The following NKAIN3 variants were observed in gnomAD, a reference collection of about 807,000 sequenced individuals.
NKAIN3 encodes sodium/potassium transporting ATPase interacting 3.
A neutral mutation model predicts 30.2 loss-of-function variants in NKAIN3; 25 were observed. The observed-to-expected ratio is 0.83, with a 90% CI of 0.60 to 1.16. NKAIN3 has a LOEUF of 1.16. Ranked by LOEUF, NKAIN3 falls within the 50% of genes most tolerant of loss-of-function variation. The pLI is 0.00. For synonymous variants in NKAIN3, 91 were observed against 89.6 expected, an observed-to-expected ratio of 1.02 and a Z score of -0.09; for missense variants, 225 against 254.1, an observed-to-expected ratio of 0.89 and a Z score of 0.78.
At chr8:62,368,671 A>G (rs1016907800) in intron 1 of NKAIN3, among the ~76,000 whole-genome samples, 1 of 152,172 alleles carries the variant, frequency 6.6e-6, no homozygotes, top group African/African-American at 2.4e-5. Context: ...ACAACCTTAC[A>G]CACACACATA....
intron 5 of NKAIN3, among the ~76,000 whole-genome samples, chr8:62,922,163 G>C (rs1427985270): frequency 6.6e-6 from 1 of 152,130 alleles, no homozygotes; most frequent in Non-Finnish European, 1.5e-5. Flanking sequence ...ATAAACATTT[G>C]ACCCTTGCTA....
In NKAIN3 at chr8:62,953,924, T is replaced by C; in HGVS notation, c.555T>C (p.Asp185=). ...CAGTTGATTTCATAGGTGGACTTGA[T>C]ACACACTCCTACTACCAGGATCATG... is the stretch of plus-strand genomic sequence containing the variant. ...EDTFDFIGGL[D]THSYYQDHVE... is the part of the protein sequence containing the mutation. The change falls in exon 6 of 7, where the codon GAT becomes GAC. Residue 185 remains aspartate, a synonymous_variant. Coordinates refer to ENST00000623646, the MANE Select transcript of NKAIN3 (RefSeq NM_001304533.3). 2.0e-6 allele frequency: 2 copies of C among 979,920 alleles called. No homozygotes were observed. The highest frequency in any genetic ancestry group is 2.4e-6 in the Non-Finnish European group (2 of 824,528). 60.7% of individuals were successfully genotyped at this position (979,920 alleles called of 1,614,324 possible).
At chr8:62,301,436 A>G (rs1409115922) in intron 1 of NKAIN3, among the ~76,000 whole-genome samples, 1 of 152,034 alleles carries the variant, frequency 6.6e-6, no homozygotes, top group Non-Finnish European at 1.5e-5. Context: ...AGAAAATAGA[A>G]GTAAGATACA....
At chr8:62,729,603 ATATAT>A (rs1815404251) in intron 3 of NKAIN3, among the ~76,000 whole-genome samples, 3 of 152,026 alleles carry the variant, frequency 2.0e-5, no homozygotes, top group Admixed American at 6.6e-5. Flanking sequence ...TAGACATATG[ATATAT>A]TATATATATA....
chr8:62,555,852 A>G (rs944765855), intron 1 of NKAIN3, among the ~76,000 whole-genome samples: 2 of 152,052 alleles, frequency 1.3e-5, no homozygotes, highest in African/African-American at 4.8e-5. Context: ...AAAACGGACA[A>G]ATTTTCTCCA....
intron 3 of NKAIN3, among the ~76,000 whole-genome samples, chr8:62,660,777 C>T (rs74541634): frequency 0.019 from 2,926 of 152,284 alleles, 93 homozygotes; most frequent in African/African-American, 0.067. Context: ...CACTGAGAAA[C>T]CATCTCTTCA....
intron 3 of NKAIN3, among the ~76,000 whole-genome samples, chr8:62,602,154 A>T (rs1811001909): frequency 6.6e-6 from 1 of 152,106 alleles, no homozygotes; most frequent in Non-Finnish European, 1.5e-5. Context: ...AAGAGTTTTT[A>T]ATCAGAAATT....
At chr8:62,881,531 C>T (rs920266110) in intron 4 of NKAIN3, among the ~76,000 whole-genome samples, 2 of 152,144 alleles carry the variant, frequency 1.3e-5, no homozygotes, top group African/African-American at 2.4e-5. Context: ...AATAGCACAT[C>T]GCTCAATAGG....
chr8:62,611,469 A>G (rs1811287492), intron 3 of NKAIN3, among the ~76,000 whole-genome samples: 1 of 152,050 alleles, frequency 6.6e-6, no homozygotes, highest in Admixed American at 6.6e-5. Context: ...TCTGGAAATC[A>G]TCCTTCTACT....
intron 3 of NKAIN3, among the ~76,000 whole-genome samples, chr8:62,672,336 A>C (rs1586073967): frequency 6.6e-6 from 1 of 152,164 alleles, no homozygotes; most frequent in African/African-American, 2.4e-5. Flanking sequence ...TGTTGGCCTC[A>C]TGAGTGCCCT....
intron 1 of NKAIN3, among the ~76,000 whole-genome samples, chr8:62,287,353 G>T (rs1813411659): frequency 6.6e-6 from 1 of 151,982 alleles, no homozygotes; most frequent in Non-Finnish European, 1.5e-5. Context: ...GGGTTACGCT[G>T]ACCTCACATC....
intron 1 of NKAIN3, among the ~76,000 whole-genome samples, chr8:62,504,340 A>G (rs1364885186): frequency 6.6e-6 from 1 of 152,210 alleles, no homozygotes; most frequent in Non-Finnish European, 1.5e-5. Context: ...TATCTGAAAC[A>G]AAACCTAGCA....
intron 6 of NKAIN3, among the ~76,000 whole-genome samples, chr8:62,962,941 G>A (rs931744333): frequency 6.6e-5 from 10 of 151,916 alleles, no homozygotes; most frequent in Non-Finnish European, 1.5e-4. Flanking sequence ...GCCCAGGCTG[G>A]AGTGCAATGG....
intron 4 of NKAIN3, among the ~76,000 whole-genome samples, chr8:62,809,905 T>C (rs537132085): frequency 2.6e-5 from 4 of 152,290 alleles, no homozygotes; most frequent in Non-Finnish European, 5.9e-5. Flanking sequence ...ATATTATGTA[T>C]TTTAATCCCC....
intron 1 of NKAIN3, among the ~76,000 whole-genome samples, chr8:62,489,673 C>A (rs1201164388): frequency 6.6e-6 from 1 of 152,182 alleles, no homozygotes; most frequent in East Asian, 1.9e-4. Context: ...TCATTCCTAA[C>A]AAGTATCAAT....
intron 3 of NKAIN3, among the ~76,000 whole-genome samples, chr8:62,675,016 G>A (rs1813428565): frequency 6.6e-6 from 1 of 152,160 alleles, no homozygotes; most frequent in East Asian, 1.9e-4. Context: ...TCCTTCAAGT[G>A]CTGAGGAACA....
At position 62,860,619 on chromosome 8, in the gene NKAIN3, C is replaced by T. The variant is rs562566532; in HGVS notation, c.472-57834C>T. Among the ~76,000 whole-genome samples the T allele has an allele frequency of 2.6e-5, 4 of 152,320 alleles. No individual in the cohort carries two copies. The South Asian group carries it at 8.3e-4, about 32-fold the overall frequency. Reference sequence around the variant, plus strand: ...GAGGGCTTTCTCCCACTTCTTCCTGCTAAACAAGTTCCTGGAGAGGTTTGA... The same window carrying T: ...GAGGGCTTTCTCCCACTTCTTCCTGTTAAACAAGTTCCTGGAGAGGTTTGA... On this transcript the variant is annotated intron_variant, in intron 4 of 6. Transcript: ENST00000623646.
chr8:62,794,345 G>A (rs1374991725), intron 4 of NKAIN3, among the ~76,000 whole-genome samples: 2 of 151,966 alleles, frequency 1.3e-5, no homozygotes, highest in East Asian at 1.9e-4. Flanking sequence ...TTCCTATGTC[G>A]TGTATAAGTA....
intron 4 of NKAIN3, among the ~76,000 whole-genome samples, chr8:62,840,286 A>G (rs553103792): frequency 2.9e-4 from 44 of 152,178 alleles, no homozygotes; most frequent in African/African-American, 9.4e-4. Context: ...AGTGTTTACA[A>G]TGCATATACC....
Sources: gnomAD v4.1 joint callset for allele counts (sites outside exome capture counted in the v4.1 genomes callset) on GRCh38, gnomAD v4.1.1 for gene constraint, MANE v1.5 for transcripts, NCBI Gene and HGNC (gene_info 2026-07-23, HGNC 2026-07-21) for gene names.